The following STARD13 variants were observed in gnomAD, a reference collection of about 807,000 sequenced individuals.
STARD13 encodes the protein StAR related lipid transfer domain containing 13, also known as stAR-related lipid transfer protein 13.
In STARD13, 62 loss-of-function variants were observed where a neutral mutation model predicts 106.4. That is an observed-to-expected ratio of 0.58 (90% CI 0.48 to 0.72). The LOEUF (loss-of-function observed/expected upper bound fraction) is 0.72, where lower values mean the gene tolerates loss of function less well. Ranked by LOEUF, STARD13 falls within the 30% of genes least tolerant of loss-of-function variation. The pLI, the probability that STARD13 is intolerant of heterozygous loss-of-function variation, is 0.00. For synonymous variants in STARD13, 565 were observed against 553.0 expected (o/e 1.02, Z -0.31); for missense variants, 1,387 against 1,424.0 (o/e 0.97, Z 0.42).
At chr13:33,415,773 T>A in the STARD13 span, among the ~76,000 whole-genome samples, 1 of 152,214 alleles carries the variant, frequency 6.6e-6, no homozygotes. Context: ...TAAAACATCC[T>A]TAATCTTCTT....
chr13:33,212,372 T>G (rs1056356546), intron 1 of STARD13, among the ~76,000 whole-genome samples: 3 of 152,196 alleles, frequency 2.0e-5, no homozygotes, highest in Non-Finnish European at 4.4e-5. Flanking sequence ...TGCCTTGTTT[T>G]CTACTCCCAT....
the STARD13 span, among the ~76,000 whole-genome samples, chr13:33,388,136 C>T: frequency 2.0e-5 from 3 of 152,096 alleles, no homozygotes; most frequent in East Asian, 1.9e-4. Context: ...CCACCAGAGG[C>T]GTTAAAATTA....
chr13:33,210,748 C>A (rs561061721), intron 1 of STARD13, among the ~76,000 whole-genome samples: 3 of 152,250 alleles, frequency 2.0e-5, no homozygotes, highest in Admixed American at 6.5e-5. Flanking sequence ...AAATAGGGTG[C>A]GATATTGTGT....
the STARD13 span, among the ~76,000 whole-genome samples, chr13:33,647,768 G>C: frequency 6.6e-6 from 1 of 152,168 alleles, no homozygotes; most frequent in Non-Finnish European, 1.5e-5. Flanking sequence ...GGCAGAATAG[G>C]CTCTAAAAGC....
intron 4 of STARD13, among the ~76,000 whole-genome samples, chr13:33,137,289 T>C (rs1879182718): frequency 6.6e-6 from 1 of 152,250 alleles, no homozygotes; most frequent in Non-Finnish European, 1.5e-5. Context: ...AAGTGTTTTC[T>C]GTATAGGGCC....
At chr13:33,455,562 C>T in the STARD13 span, among the ~76,000 whole-genome samples, 1 of 152,092 alleles carries the variant, frequency 6.6e-6, no homozygotes, top group South Asian at 2.1e-4. Flanking sequence ...CAAGAGCCTG[C>T]CAGCTAAATC....
the STARD13 span, among the ~76,000 whole-genome samples, chr13:33,635,942 C>T: frequency 1.3e-5 from 2 of 151,886 alleles, no homozygotes; most frequent in African/African-American, 2.4e-5. Context: ...TGAGATAACG[C>T]CACTGCACTT....
chr13:33,553,564 A>G, the STARD13 span, among the ~76,000 whole-genome samples: 6 of 151,012 alleles, frequency 4.0e-5, no homozygotes, highest in South Asian at 2.1e-4. Flanking sequence ...TTTATAATTT[A>G]CAATTATAAA....
Position 33,174,197 on chromosome 13 carries a change from G to A in STARD13, c.170-6575C>T, listed in dbSNP as rs888452663. Among the ~76,000 whole-genome samples, 83 of 151,896 alleles carry A rather than the reference G, an allele frequency of 5.5e-4. 1 individual carries two copies. The highest frequency in any genetic ancestry group is 4.2e-4 in the South Asian group (2 of 4,812). Reference sequence around the variant, plus strand: ...TGGTTGGGGAAACCATAGATATTACGACATATGACATATACGTAAACAAAT... The same window carrying A: ...TGGTTGGGGAAACCATAGATATTACAACATATGACATATACGTAAACAAAT... On this transcript the variant is annotated intron_variant, in intron 1 of 13. Transcript: ENST00000336934.
At chr13:33,631,537 G>A in the STARD13 span, among the ~76,000 whole-genome samples, 2 of 152,212 alleles carry the variant, frequency 1.3e-5, no homozygotes, top group Non-Finnish European at 2.9e-5. Context: ...TAATGCTGAT[G>A]CCTATACCTC....
At chr13:33,274,961 A>T (rs761592998) in intron 1 of STARD13, among the ~76,000 whole-genome samples, 1 of 151,828 alleles carries the variant, frequency 6.6e-6, no homozygotes, top group Non-Finnish European at 1.5e-5. Context: ...CTGCCCTCTC[A>T]GCTCAGTATT....
chr13:33,246,502 T>A (rs17078871), intron 1 of STARD13, among the ~76,000 whole-genome samples: 2,914 of 152,290 alleles, frequency 0.019, 101 homozygotes, highest in African/African-American at 0.067. Flanking sequence ...AATTTAAGTT[T>A]CATATTTCAA....
intron 7 of STARD13, among the ~76,000 whole-genome samples, chr13:33,124,675 T>C (rs1876884439): frequency 6.6e-6 from 1 of 152,006 alleles, no homozygotes; most frequent in Non-Finnish European, 1.5e-5. Context: ...GCTATGGACA[T>C]TAACTTTGAA....
chr13:33,369,752 G>T, the STARD13 span, among the ~76,000 whole-genome samples: 1 of 152,012 alleles, frequency 6.6e-6, no homozygotes, highest in African/African-American at 2.4e-5. Flanking sequence ...GCAGTTGGAA[G>T]AAATTTCCCT....
At chr13:33,583,489 G>A in the STARD13 span, among the ~76,000 whole-genome samples, 4 of 151,760 alleles carry the variant, frequency 2.6e-5, no homozygotes, top group East Asian at 7.7e-4. Context: ...CCTTTTTTTT[G>A]GTGGCTCCTA....
intron 1 of STARD13, among the ~76,000 whole-genome samples, chr13:33,235,881 C>T (rs919995650): frequency 6.6e-6 from 1 of 152,210 alleles, no homozygotes; most frequent in Admixed American, 6.5e-5. Flanking sequence ...GTCCTAAGAG[C>T]AGCAGGTGTG....
chr13:33,240,283 G>A (rs1889405714), intron 1 of STARD13, among the ~76,000 whole-genome samples: 1 of 152,048 alleles, frequency 6.6e-6, no homozygotes, highest in Non-Finnish European at 1.5e-5. Flanking sequence ...TTTGATTACT[G>A]AAGCTTAGTA....
chr13:33,467,230 A>G, the STARD13 span, among the ~76,000 whole-genome samples: 1 of 151,988 alleles, frequency 6.6e-6, no homozygotes, highest in African/African-American at 2.4e-5. Flanking sequence ...CCCTGCAACT[A>G]GATGGTCCTG....
At chr13:33,551,240 A>T in the STARD13 span, among the ~76,000 whole-genome samples, 1 of 152,184 alleles carries the variant, frequency 6.6e-6, no homozygotes, top group Non-Finnish European at 1.5e-5. Flanking sequence ...GCATGTGTGG[A>T]AAAGATACTT....
Sources: gnomAD v4.1 joint callset for allele counts (sites outside exome capture counted in the v4.1 genomes callset) on GRCh38, gnomAD v4.1.1 for gene constraint, MANE v1.5 for transcripts, NCBI Gene and HGNC (gene_info 2026-07-23, HGNC 2026-07-21) for gene names.